Variants in FAM135B observed in about 807,000 individuals in gnomAD.
FAM135B encodes family with sequence similarity 135 member B, also known as protein FAM135B.
A neutral mutation model predicts 127.7 loss-of-function variants in FAM135B; 43 were observed. The observed-to-expected ratio is 0.34, with a 90% CI of 0.26 to 0.43. The LOEUF is 0.43. Ranked by LOEUF, FAM135B falls within the 20% of genes least tolerant of loss-of-function variation. FAM135B has a pLI of 1.00. For missense variants in FAM135B, 1,558 were observed against 1,725.6 expected (o/e 0.90, Z 1.72); for synonymous variants, 670 against 665.1 (o/e 1.01, Z -0.11).
intron 3 of FAM135B, among the ~76,000 whole-genome samples, chr8:138,278,039 C>T (rs1484787403): frequency 1.3e-5 from 2 of 152,042 alleles, no homozygotes; most frequent in Non-Finnish European, 2.9e-5. Context: ...CCCTTGTGCT[C>T]AGCCCCCAGC....
chr8:138,348,846 G>A (rs1375973143), intron 2 of FAM135B, among the ~76,000 whole-genome samples: 4 of 152,226 alleles, frequency 2.6e-5, no homozygotes, highest in Non-Finnish European at 5.9e-5. Flanking sequence ...TTAGGACATG[G>A]TTGGGGCATA....
chr8:138,442,237 C>CTATATATATAT (rs1835820540), intron 1 of FAM135B, among the ~76,000 whole-genome samples: 1 of 51,908 alleles, frequency 1.9e-5, no homozygotes, highest in African/African-American at 1.0e-4. Flanking sequence ...ATATGGACAC[C>CTATATATATAT]ATATATATAT....
rs1820811748 is a variant in FAM135B, at chr8:138,241,923, A to G, written c.669+1019T>C. On this transcript the variant is annotated intron_variant, in intron 7 of 19. Coordinates refer to ENST00000395297, the MANE Select transcript of FAM135B (RefSeq NM_015912.4). The surrounding 1 kb of genome is among the most constrained non-coding windows in gnomAD (Gnocchi z 4.8). The stretch of plus-strand genomic sequence containing the variant: ...TTGAGGGCCTGAATAGGACAAAAAG[A>G]CTGAGTGAGAGAAAACTGTCTCTCT... Among the ~76,000 whole-genome samples the G allele has an allele frequency of 6.6e-6, 1 of 152,134 alleles. No individual in the cohort carries two copies. The highest frequency in any genetic ancestry group is 1.5e-5 in the Non-Finnish European group (1 of 68,034).
At chr8:138,190,932 AT>A (rs1816066307) in intron 9 of FAM135B, among the ~76,000 whole-genome samples, 1 of 152,208 alleles carries the variant, frequency 6.6e-6, no homozygotes, top group African/African-American at 2.4e-5. Context: ...CAGATCTTAC[AT>A]GTACTGACTG....
chr8:138,135,283 T>C lies in FAM135B; in HGVS notation c.4015+1864A>G, dbSNP rs571858505. Reference sequence around the variant, plus strand: ...AGACAAGAAAGTAGGCAAGGAAAATTAGCAAATCCCTGCACAAAGAAACAG... The same window carrying C: ...AGACAAGAAAGTAGGCAAGGAAAATCAGCAAATCCCTGCACAAAGAAACAG... On this transcript the variant is annotated intron_variant, in intron 19 of 19. Transcript: ENST00000395297. 2.0e-5 allele frequency among the ~76,000 whole-genome samples: 3 copies of C among 152,300 alleles called. No individual in the cohort carries two copies. In the South Asian group the frequency reaches 6.2e-4, roughly 32 times the overall value.
intron 2 of FAM135B, among the ~76,000 whole-genome samples, chr8:138,337,832 G>A (rs1000509114): frequency 6.6e-6 from 1 of 152,150 alleles, no homozygotes; most frequent in African/African-American, 2.4e-5. Context: ...CAAAGCTGGA[G>A]GCATCATGCT....
rs559701572 is a variant in FAM135B at position 138,367,835 on chromosome 8, C to A, written c.77+72G>T. On this transcript the variant is annotated intron_variant, in intron 2 of 19. Transcript: ENST00000395297. The stretch of plus-strand genomic sequence containing the variant: ...CTATAATCTGACTTCCCCACCTCCA[C>A]CTTCTTCCACGGAAAGAAACAAACA... The A allele has an allele frequency of 3.3e-5, 39 of 1,185,428 alleles. No individual in the cohort carries two copies. In the South Asian group the frequency reaches 4.7e-4, roughly 14 times the overall value. 73.4% of individuals were successfully genotyped at this position (1,185,428 alleles called of 1,614,324 possible).
At chr8:138,340,334 A>G (rs1451567224) in intron 2 of FAM135B, among the ~76,000 whole-genome samples, 2 of 152,330 alleles carry the variant, frequency 1.3e-5, no homozygotes, top group Middle Eastern at 3.4e-3. Context: ...GGGAGCACTC[A>G]TCTATGCTCC....
At chr8:138,154,375 T>C (rs926113970) in intron 12 of FAM135B, among the ~76,000 whole-genome samples, 1 of 151,866 alleles carries the variant, frequency 6.6e-6, no homozygotes, top group African/African-American at 2.4e-5. Context: ...AAAATCAGAG[T>C]GCCTCTTCTC....
At chr8:138,486,928 A>G (rs535512549) in intron 1 of FAM135B, among the ~76,000 whole-genome samples, 3 of 152,164 alleles carry the variant, frequency 2.0e-5, no homozygotes, top group Non-Finnish European at 1.5e-5. Context: ...TCTAGGACCA[A>G]GAAGGTTCCT....
intron 2 of FAM135B, among the ~76,000 whole-genome samples, chr8:138,334,278 G>T (rs554988857): frequency 1.7e-3 from 266 of 152,276 alleles, no homozygotes; most frequent in South Asian, 0.015. Flanking sequence ...TGCTTGCTCT[G>T]GCAATACTTC....
chr8:138,271,641 C>A (rs1006002506), intron 3 of FAM135B, among the ~76,000 whole-genome samples: 1 of 152,164 alleles, frequency 6.6e-6, no homozygotes, highest in Admixed American at 6.5e-5. Flanking sequence ...CATCTTTCCA[C>A]ACACGTTGCA....
intron 1 of FAM135B, among the ~76,000 whole-genome samples, chr8:138,420,335 A>C (rs554529473): frequency 2.6e-5 from 4 of 152,272 alleles, no homozygotes; most frequent in Middle Eastern, 3.4e-3. Flanking sequence ...CTAATAATGC[A>C]TTCCAAAACT....
chr8:138,330,444 T>A (rs1828089231), intron 2 of FAM135B, among the ~76,000 whole-genome samples: 1 of 152,180 alleles, frequency 6.6e-6, no homozygotes, highest in East Asian at 1.9e-4. Context: ...CATCTCAGGA[T>A]AACAATCTTG....
intron 9 of FAM135B, among the ~76,000 whole-genome samples, chr8:138,182,939 A>AAACCCCTGCTTGGTCAC (rs1815207052): frequency 6.6e-6 from 1 of 152,182 alleles, no homozygotes; most frequent in South Asian, 2.1e-4. Context: ...CCAGGGTTGC[A>AAACCCCTGCTTGGTCAC]AACCCCTGCT....
At chr8:138,372,379 G>C (rs1201342733) in intron 1 of FAM135B, among the ~76,000 whole-genome samples, 2 of 152,182 alleles carry the variant, frequency 1.3e-5, no homozygotes, top group African/African-American at 4.8e-5. Flanking sequence ...GATGGAGGGA[G>C]GGGCAGGATG....
intron 9 of FAM135B, among the ~76,000 whole-genome samples, chr8:138,187,847 T>C (rs1815723893): frequency 6.6e-6 from 1 of 152,184 alleles, no homozygotes. Context: ...AGTTGGGACT[T>C]TGAGCCCGGC....
chr8:138,173,613 T>C (rs2130939359), intron 11 of FAM135B, among the ~76,000 whole-genome samples: 1 of 152,326 alleles, frequency 6.6e-6, no homozygotes, highest in East Asian at 1.9e-4. Context: ...GTAGTTTCAA[T>C]AGACTAAGCA....
chr8:138,197,597 G>A lies in FAM135B; in HGVS notation c.742C>T (p.Leu248Phe), dbSNP rs2131138877. ...HKWHRDLCLLLLHAYRGLRLH... is the reference protein window; with the variant it reads ...HKWHRDLCLLFLHAYRGLRLH... ...CGGAGACCCCGGTAAGCGTGGAGGAGCAACAGGCACAGGTCTCGGTGCCAC... is the reference window on the plus strand; with the variant it reads ...CGGAGACCCCGGTAAGCGTGGAGGAACAACAGGCACAGGTCTCGGTGCCAC... Residue 248 changes from leucine to phenylalanine, a missense_variant, in exon 8 of 20, where the codon CTC (leucine) becomes TTC (phenylalanine). Transcript: ENST00000395297. 1 of 1,614,148 alleles carries A rather than the reference G, an allele frequency of 6.2e-7. No individual in the cohort carries two copies. The highest frequency in any genetic ancestry group is 8.5e-7 in the Non-Finnish European group (1 of 1,180,024).
Sources: gnomAD v4.1 joint callset for allele counts (sites outside exome capture counted in the v4.1 genomes callset) on GRCh38, gnomAD v4.1.1 for gene constraint, Gnocchi (gnomAD v3.1) non-coding constraint, MANE v1.5 for transcripts, NCBI Gene and HGNC (gene_info 2026-07-23, HGNC 2026-07-21) for gene names.